UGT2A3: variants seen among roughly 807,000 people sequenced by gnomAD.
UGT2A3 encodes the protein UDP glucuronosyltransferase family 2 member A3, also known as UDP-glucuronosyltransferase 2A3.
UGT2A3 carries 55 observed loss-of-function variants against 44.1 expected under a neutral mutation model. That is an observed-to-expected ratio of 1.25 (90% CI 1.00 to 1.56). UGT2A3 has a LOEUF of 1.56. UGT2A3 is among the 40% of genes most tolerant of loss of function. The pLI, the probability that UGT2A3 is intolerant of heterozygous loss-of-function variation, is 0.00. For missense variants in UGT2A3, 733 were observed against 621.6 expected (o/e 1.18, Z -1.91); for synonymous variants, 243 against 215.1 (o/e 1.13, Z -1.13).
intron 2 of UGT2A3, among the ~76,000 whole-genome samples, chr4:68,942,504 G>GATATATATATATATATATATAT (rs34118122): frequency 2.2e-4 from 29 of 131,012 alleles, no homozygotes; most frequent in Middle Eastern, 4.0e-3. Flanking sequence ...TTCCACTGGA[G>GATATATATATATATATATATAT]ATATATATAT....
intron 1 of UGT2A3, among the ~76,000 whole-genome samples, chr4:68,947,051 G>C (rs1205593084): frequency 6.6e-6 from 1 of 151,548 alleles, no homozygotes; most frequent in Non-Finnish European, 1.5e-5. Flanking sequence ...AGGGCAGCTG[G>C]ACAATTTTTA....
At chr4:68,950,634 G>A (rs1336728254) in intron 1 of UGT2A3, among the ~76,000 whole-genome samples, 3 of 151,720 alleles carry the variant, frequency 2.0e-5, no homozygotes, top group African/African-American at 7.2e-5. Context: ...TCTAGAAAAT[G>A]TTCAATTTAA....
chr4:68,951,505 C>T lies in UGT2A3; in HGVS notation c.256G>A (p.Glu86Lys). 4 of 1,612,758 alleles carry T rather than the reference C, an allele frequency of 2.5e-6. No homozygotes were observed. The highest frequency in any genetic ancestry group is 3.4e-6 in the Non-Finnish European group (4 of 1,179,316). ...GCTAGGTCAACAAATATTTCATTTTCTTCTGTTCTGTCCTGTGGCATATGG... is the reference window on the plus strand; with the variant it reads ...GCTAGGTCAACAAATATTTCATTTTTTTCTGTTCTGTCCTGTGGCATATGG... The part of the protein sequence containing the change: ...VVHMPQDRTE[E>K]NEIFVDLALN... Residue 86 changes from glutamate (E) to lysine (K), a missense_variant, in exon 1 of 6, where the codon GAA becomes AAA. Transcript: ENST00000251566.
chr4:68,950,485 A>T (rs528425102), intron 1 of UGT2A3, among the ~76,000 whole-genome samples: 62 of 152,050 alleles, frequency 4.1e-4, no homozygotes, highest in African/African-American at 1.4e-3. Flanking sequence ...AAAGCAAGGA[A>T]ATAAAAATAA....
intron 2 of UGT2A3, among the ~76,000 whole-genome samples, chr4:68,944,362 C>T (rs987496540): frequency 6.6e-6 from 1 of 151,786 alleles, no homozygotes; most frequent in Admixed American, 6.6e-5. Flanking sequence ...TATGAACATC[C>T]ATGACTAAAT....
intron 2 of UGT2A3, 115 bp downstream of exon 2, chr4:68,945,191 G>A (rs1400677510): frequency 1.7e-6 from 2 of 1,199,352 alleles, no homozygotes; most frequent in Non-Finnish European, 2.4e-6. Context: ...AATAAATATG[G>A]AGCTGCAAAC....
Position 68,951,551 on chromosome 4 carries a change from A to C in UGT2A3, c.210T>G (p.Ser70=). 6.2e-7 allele frequency: 1 copy of C among 1,613,064 alleles called. No homozygotes were observed. Among genetic ancestry groups the C allele is most frequent in the Non-Finnish European group, 8.5e-7 (1 of 1,179,438 alleles). Residue 70 remains serine (S), a synonymous_variant, in exon 1 of 6, where the codon TCT becomes TCG. Transcript: ENST00000251566. ...TATGGACCACCTCAAATTTCAATGC[A>C]GAAGGCTTCCTGTAGTCAATTAACG... The part of the protein sequence containing the change: ...KPSLIDYRKP[S]ALKFEVVHMP...
chr4:68,943,198 AGTGTGTGTTTGTGT>A (rs998155927), intron 2 of UGT2A3: 66 of 476,882 alleles, frequency 1.4e-4, no homozygotes, highest in East Asian at 8.3e-4. Flanking sequence ...TATTTCTATG[AGTGTGTGTTTGTGT>A]GTGTGTGTTT....
At position 68,931,813 on chromosome 4, in the gene UGT2A3, AC is replaced by A. The variant is rs576741792; in HGVS notation, c.997-572del. Among the ~76,000 whole-genome samples, 377 of 152,038 alleles carry A rather than the reference AC, an allele frequency of 2.5e-3. 2 individuals are homozygous for A. The highest frequency in any genetic ancestry group is 8.7e-3 in the African/African-American group (362 of 41,532). Reference sequence around the variant, plus strand: ...AATGATAAATTTTCTTTGAGATTGTACCTTTTTTTTACACAATTTTTCTTTG... The same window carrying A: ...AATGATAAATTTTCTTTGAGATTGTACTTTTTTTTACACAATTTTTCTTTG... On this transcript the variant is annotated intron_variant, in intron 3 of 5. Coordinates refer to ENST00000251566, the MANE Select transcript of UGT2A3 (RefSeq NM_024743.4).
chr4:68,951,637 T>C lies in UGT2A3; in HGVS notation c.124A>G (p.Ile42Val), dbSNP rs1262940090. Residue 42 changes from isoleucine (I) to valine (V), a missense_variant, in exon 1 of 6, where the codon ATT becomes GTT. By Grantham distance (29) the Ile-to-Val change is conservative. Transcript: ENST00000251566. ...CCTCTCACTATGAGCTCTTCTAGAA[T>C]GACCTTGACATTAAGCCAATGGCTC... ...DMSHWLNVKV[I>V]LEELIVRGHE... 1.2e-6 allele frequency: 2 copies of C among 1,612,636 alleles called. No individual in the cohort carries two copies. The highest frequency in any genetic ancestry group is 1.7e-6 in the Non-Finnish European group (2 of 1,179,416).
chr4:68,949,174 C>A (rs1213160752), intron 1 of UGT2A3, among the ~76,000 whole-genome samples: 4 of 151,814 alleles, frequency 2.6e-5, no homozygotes, highest in Non-Finnish European at 5.9e-5. Flanking sequence ...TATTGGTGAT[C>A]AAATTTCAAC....
Position 68,929,497 on chromosome 4 carries a change from A to T in UGT2A3, c.*316T>A. 4.9e-6 allele frequency: 1 copy of T among 203,280 alleles called. No homozygotes were observed. Among genetic ancestry groups the T allele is most frequent in the Admixed American group, 5.4e-5 (1 of 18,528 alleles). 12.6% of individuals were successfully genotyped at this position (203,280 alleles called of 1,614,324 possible). A position where few individuals can be genotyped will look rare whatever the true frequency, so the allele number is the denominator to read the frequency against. On this transcript the variant is annotated 3_prime_UTR_variant, in exon 6 of 6. Coordinates refer to ENST00000251566, the MANE Select transcript of UGT2A3 (RefSeq NM_024743.4). ...TGTGTTTGGGCGCACACCAGGAATA[A>T]TCATATTGCATGTCACCCTATCACT... is the stretch of plus-strand genomic sequence containing the variant.
chr4:68,940,721 G>GTA (rs907607473), intron 2 of UGT2A3, among the ~76,000 whole-genome samples: 42 of 147,244 alleles, frequency 2.9e-4, no homozygotes, highest in South Asian at 2.1e-4. Context: ...TTAAAGTATT[G>GTA]TATATATATA....
chr4:68,941,031 T>A (rs1428019192), intron 2 of UGT2A3, among the ~76,000 whole-genome samples: 1 of 151,690 alleles, frequency 6.6e-6, no homozygotes, highest in East Asian at 2.0e-4. Flanking sequence ...ATGAATAGAT[T>A]AATCCCCTGC....
intron 2 of UGT2A3, among the ~76,000 whole-genome samples, chr4:68,933,354 C>T (rs933140455): frequency 3.9e-5 from 6 of 152,060 alleles, no homozygotes; most frequent in African/African-American, 1.4e-4. Context: ...CCTGCAATTA[C>T]ACAGGTGGAA....
chr4:68,930,254 A>G (rs1452743378), intron 5 of UGT2A3, among the ~76,000 whole-genome samples, 162 bp from the exon 6 acceptor site: 11 of 152,136 alleles, frequency 7.2e-5, no homozygotes, highest in Admixed American at 7.2e-4. Context: ...AGTATTAAAC[A>G]GATATAGTGG....
chr4:68,939,825 T>C (rs1718117729), intron 2 of UGT2A3, among the ~76,000 whole-genome samples: 1 of 151,872 alleles, frequency 6.6e-6, no homozygotes, highest in Non-Finnish European at 1.5e-5. Flanking sequence ...ATCCAGAATC[T>C]ACAATGAACT....
At chr4:68,935,276 G>GTA (rs57286694) in intron 2 of UGT2A3, among the ~76,000 whole-genome samples, 10,121 of 58,132 alleles carry the variant, frequency 0.17, 879 homozygotes, top group Non-Finnish European at 0.23. Context: ...ATGTATGTAT[G>GTA]TATATATATA....
rs1487773118 is a variant in UGT2A3 at position 68,948,643 on chromosome 4, A to C, written c.715+2403T>G. Among the ~76,000 whole-genome samples, 3 of 151,530 alleles carry C rather than the reference A, an allele frequency of 2.0e-5. 1 individual carries two copies. In the South Asian group the frequency reaches 6.2e-4, roughly 31 times the overall value. On this transcript the variant is annotated intron_variant, in intron 1 of 5. Transcript: ENST00000251566. The stretch of plus-strand genomic sequence containing the variant: ...ATTTGATTTTCTCTCCAGACAACTA[A>C]AATTTTCTCCATATCAGCACTGATA...
Sources: allele counts gnomAD v4.1 joint callset (sites outside exome capture counted in the v4.1 genomes callset), GRCh38; gene constraint gnomAD v4.1.1; transcripts MANE v1.5; gene names NCBI Gene and HGNC (gene_info 2026-07-23, HGNC 2026-07-21).